The following ACTR3C variants were observed in gnomAD, a reference collection of about 807,000 sequenced individuals.
ACTR3C encodes the protein actin related protein 3C.
Under a neutral mutation model 26.3 loss-of-function variants are expected in ACTR3C, and 18 were observed. That is an observed-to-expected ratio of 0.68 (90% CI 0.47 to 1.01). The LOEUF is 1.01. Among genes scored for constraint, ACTR3C ranks in the 50% least tolerant of loss-of-function variants. The pLI is 0.00. For missense variants in ACTR3C, 184 were observed against 250.7 expected, an observed-to-expected ratio of 0.73 and a Z score of 1.80; for synonymous variants, 55 against 94.5, an observed-to-expected ratio of 0.58 and a Z score of 2.42.
the ACTR3C span, among the ~76,000 whole-genome samples, chr7:149,956,615 G>T: frequency 8.5e-5 from 13 of 152,204 alleles, no homozygotes; most frequent in African/African-American, 2.9e-4. Flanking sequence ...CATAATGTAT[G>T]GATTGGTGTT....
chr7:150,180,511 CTT>C, the ACTR3C span, among the ~76,000 whole-genome samples: 11 of 125,714 alleles, frequency 8.8e-5, no homozygotes, highest in Admixed American at 7.8e-5. Context: ...AGTAGTATAT[CTT>C]TTTTTTTTTT....
chr7:150,272,851 A>C (rs1302584351), intron 6 of ACTR3C, among the ~76,000 whole-genome samples: 1 of 137,356 alleles, frequency 7.3e-6, no homozygotes, highest in Admixed American at 6.9e-5. Flanking sequence ...CAACACATCC[A>C]GCTAATTTTT....
At chr7:150,159,433 T>A in the ACTR3C span, among the ~76,000 whole-genome samples, 1 of 152,282 alleles carries the variant, frequency 6.6e-6, no homozygotes, top group East Asian at 1.9e-4. Context: ...TACTGGTGTT[T>A]GGAAATGAAA....
the ACTR3C span, among the ~76,000 whole-genome samples, chr7:150,059,242 C>T: frequency 2.0e-4 from 30 of 152,182 alleles, no homozygotes; most frequent in African/African-American, 6.3e-4. Context: ...ACAGAGCTCC[C>T]GAGAGGGCCA....
intron 6 of ACTR3C, among the ~76,000 whole-genome samples, chr7:150,273,418 C>A (rs1324923964): frequency 6.6e-6 from 1 of 151,498 alleles, no homozygotes; most frequent in East Asian, 1.9e-4. Context: ...GCTGGGACCA[C>A]AGGTGCGTTC....
chr7:150,229,651 A>ATTT, the ACTR3C span, among the ~76,000 whole-genome samples: 2,054 of 134,250 alleles, frequency 0.015, 59 homozygotes, highest in African/African-American at 0.053. Flanking sequence ...CACACAGCTA[A>ATTT]TTTTTTTTTT....
the ACTR3C span, among the ~76,000 whole-genome samples, chr7:149,952,565 GAAAA>G: frequency 1.4e-5 from 2 of 144,536 alleles, no homozygotes; most frequent in African/African-American, 5.5e-5. Context: ...ACAACACACA[GAAAA>G]GAAAGAGATG....
the ACTR3C span, among the ~76,000 whole-genome samples, chr7:149,996,892 T>C: frequency 3.3e-5 from 5 of 151,080 alleles, no homozygotes; most frequent in African/African-American, 1.2e-4. Context: ...GAACACACTC[T>C]CAGTGCTTTC....
At chr7:150,064,649 T>TACACACACACACACACACACAC in the ACTR3C span, among the ~76,000 whole-genome samples, 1 of 145,138 alleles carries the variant, frequency 6.9e-6, no homozygotes, top group African/African-American at 2.6e-5. Flanking sequence ...TATTTTCACA[T>TACACACACACACACACACACAC]ACACACACAC....
the ACTR3C span, among the ~76,000 whole-genome samples, chr7:149,903,774 G>A: frequency 2.0e-5 from 3 of 148,856 alleles, no homozygotes; most frequent in South Asian, 2.2e-4. Context: ...AAACTCCTGG[G>A]CTCAAGCAAT....
chr7:149,914,176 A>G, the ACTR3C span, among the ~76,000 whole-genome samples: 1 of 151,652 alleles, frequency 6.6e-6, no homozygotes, highest in Non-Finnish European at 1.5e-5. Flanking sequence ...GGTGTGAGCC[A>G]CCGAGCCCAG....
the ACTR3C span, among the ~76,000 whole-genome samples, chr7:150,157,700 T>C: frequency 6.6e-6 from 1 of 152,290 alleles, no homozygotes; most frequent in South Asian, 2.1e-4. Context: ...GTAGGAAGCA[T>C]AGACGAAGAG....
the ACTR3C span, among the ~76,000 whole-genome samples, chr7:150,206,425 T>A: frequency 3.3e-5 from 5 of 152,046 alleles, no homozygotes; most frequent in South Asian, 2.1e-4. Flanking sequence ...TATTATTATT[T>A]TTTTTGAGAT....
the ACTR3C span, among the ~76,000 whole-genome samples, chr7:149,928,979 T>C: frequency 3.0e-4 from 45 of 152,340 alleles, no homozygotes; most frequent in African/African-American, 1.1e-3. Flanking sequence ...TTATCATTCT[T>C]TGAACAGAAC....
the ACTR3C span, among the ~76,000 whole-genome samples, chr7:150,034,172 G>A: frequency 7.5e-3 from 1,132 of 151,242 alleles, 17 homozygotes; most frequent in Non-Finnish European, 0.012. Flanking sequence ...TTCAGGTTTT[G>A]CCCAAGAATC....
the ACTR3C span, among the ~76,000 whole-genome samples, chr7:149,995,518 C>T: frequency 0.61 from 90,295 of 147,398 alleles, 23,014 homozygotes; most frequent in East Asian, 0.75. Flanking sequence ...CTGTTCTCTT[C>T]GAGGTCTTTC....
chr7:150,188,111 C>T, the ACTR3C span, among the ~76,000 whole-genome samples: 1 of 151,454 alleles, frequency 6.6e-6, no homozygotes, highest in Non-Finnish European at 1.5e-5. Flanking sequence ...CCCAAGGTAC[C>T]CTAGTTCCTT....
intron 6 of ACTR3C, among the ~76,000 whole-genome samples, chr7:150,266,942 T>C (rs934810665): frequency 8.5e-5 from 13 of 152,202 alleles, no homozygotes; most frequent in African/African-American, 3.1e-4. Context: ...CTGTAAGTAC[T>C]TTGGAAAAAC....
chr7:150,123,764 G>C, the ACTR3C span, among the ~76,000 whole-genome samples: 1 of 152,160 alleles, frequency 6.6e-6, no homozygotes, highest in South Asian at 2.1e-4. Context: ...ACATGAAAAA[G>C]AGCCAGAAGC....
Sources: gnomAD v4.1 joint callset for allele counts (sites outside exome capture counted in the v4.1 genomes callset) on GRCh38, gnomAD v4.1.1 for gene constraint, MANE v1.5 for transcripts, NCBI Gene and HGNC (gene_info 2026-07-23, HGNC 2026-07-21) for gene names.